Variants in C10orf90 observed in about 807,000 individuals in gnomAD.
The protein encoded by C10orf90 is (E2-independent) E3 ubiquitin-conjugating enzyme FATS.
C10orf90 carries 56 observed loss-of-function variants against 62.5 expected under a neutral mutation model. The ratio of observed to expected loss-of-function variants is 0.90; its 90% CI spans 0.72 to 1.12. The LOEUF is 1.12. Among genes scored for constraint, C10orf90 ranks in the 50% most tolerant of loss-of-function variants. The pLI, the probability that C10orf90 is intolerant of heterozygous loss-of-function variation, is 0.00. For missense variants in C10orf90, 970 were observed against 880.4 expected (o/e 1.10, Z -1.29); for synonymous variants, 386 against 340.4 (o/e 1.13, Z -1.47).
Position 126,545,762 on chromosome 10 carries a change from C to T in C10orf90, c.314-31823G>A, listed in dbSNP as rs563401807. 3.9e-5 allele frequency among the ~76,000 whole-genome samples: 6 copies of T among 152,146 alleles called. No individual in the cohort carries two copies. The South Asian group carries it at 6.3e-4, about 16-fold the overall frequency. On this transcript the variant is annotated intron_variant, in intron 2 of 9. Coordinates refer to ENST00000488181, the MANE Select transcript of C10orf90 (RefSeq NM_001350921.2). ...CTCCCCCTCTTCTCTCTCAGTTAAT[C>T]GGTTCTTAACTTTTAATAACCCAGT...
rs996495924 is a variant in C10orf90 at position 126,670,550 on chromosome 10, T to C, written c.-70A>G. 1 of 438,032 alleles carries C rather than the reference T, an allele frequency of 2.3e-6. No homozygotes were observed. Among genetic ancestry groups the C allele is most frequent in the Middle Eastern group, 3.4e-4 (1 of 2,982 alleles). 27.1% of individuals were successfully genotyped at this position (438,032 alleles called of 1,614,324 possible). A position where few individuals can be genotyped will look rare whatever the true frequency, so the allele number is the denominator to read the frequency against. ...CAATTTTCTTTGTTTAACCCAGGTATTGAGTGCAACAGGAGGGACTTGGGC... is the reference window on the plus strand; with the variant it reads ...CAATTTTCTTTGTTTAACCCAGGTACTGAGTGCAACAGGAGGGACTTGGGC... On this transcript the variant is annotated 5_prime_UTR_variant, in exon 1 of 10. Coordinates refer to ENST00000488181, the MANE Select transcript of C10orf90 (RefSeq NM_001350921.2).
At chr10:126,470,835 A>G (rs1360456261) in intron 4 of C10orf90, among the ~76,000 whole-genome samples, 3 of 152,026 alleles carry the variant, frequency 2.0e-5, no homozygotes, top group African/African-American at 7.2e-5. Context: ...GAACAAGCCT[A>G]TTAGATGGAC....
intron 2 of C10orf90, among the ~76,000 whole-genome samples, chr10:126,605,832 C>A (rs1409825149): frequency 6.6e-6 from 1 of 151,966 alleles, no homozygotes; most frequent in South Asian, 2.1e-4. Flanking sequence ...CATGTCATGA[C>A]ATGGAACTGC....
At chr10:126,571,978 G>A (rs557935735) in intron 2 of C10orf90, among the ~76,000 whole-genome samples, 9 of 152,260 alleles carry the variant, frequency 5.9e-5, no homozygotes, top group African/African-American at 1.9e-4. Context: ...AACCTCAAAA[G>A]GCCTTCTGAT....
chr10:126,555,088 A>G (rs1864730201), intron 2 of C10orf90, among the ~76,000 whole-genome samples: 1 of 152,178 alleles, frequency 6.6e-6, no homozygotes, highest in Non-Finnish European at 1.5e-5. Context: ...TGGCGTCTGC[A>G]CATTATCAGT....
intron 3 of C10orf90, among the ~76,000 whole-genome samples, chr10:126,506,919 AGTGTGTGTGT>A (rs61651582): frequency 4.0e-5 from 6 of 149,336 alleles, no homozygotes; most frequent in Non-Finnish European, 1.5e-5. Flanking sequence ...CAGGAGGGCC[AGTGTGTGTGT>A]GTGTGTGTGT....
chr10:126,564,296 C>G (rs983203535), intron 2 of C10orf90, among the ~76,000 whole-genome samples: 1 of 152,040 alleles, frequency 6.6e-6, no homozygotes, highest in Non-Finnish European at 1.5e-5. Flanking sequence ...ACCCAGCCCA[C>G]CAGGTTGTGG....
At chr10:126,481,479 C>T (rs553204440) in intron 4 of C10orf90, among the ~76,000 whole-genome samples, 6 of 152,340 alleles carry the variant, frequency 3.9e-5, no homozygotes, top group African/African-American at 1.4e-4. Context: ...GATGACTCCT[C>T]ACGGATTTCA....
chr10:126,494,798 G>A (rs1176266723), intron 4 of C10orf90, among the ~76,000 whole-genome samples: 1 of 152,326 alleles, frequency 6.6e-6, no homozygotes, highest in Admixed American at 6.5e-5. Context: ...TTTATTTCAA[G>A]AACTGGATTA....
chr10:126,598,520 G>T (rs1845130993), intron 2 of C10orf90, among the ~76,000 whole-genome samples: 1 of 152,086 alleles, frequency 6.6e-6, no homozygotes, highest in Admixed American at 6.5e-5. Flanking sequence ...CACCCCACAG[G>T]TTATGATTTA....
Position 126,663,722 on chromosome 10 carries a change from G to A in C10orf90, c.240+6519C>T, listed in dbSNP as rs560629467. On this transcript the variant is annotated intron_variant, in intron 1 of 9. Transcript: ENST00000488181. Reference sequence around the variant, plus strand: ...TTGTGACTTCCTTTGGGGTTCATGCGGTTGGAAAATATTGGTCTAGAACTT... The same window carrying A: ...TTGTGACTTCCTTTGGGGTTCATGCAGTTGGAAAATATTGGTCTAGAACTT... Among the ~76,000 whole-genome samples the A allele has an allele frequency of 5.9e-5, 9 of 152,116 alleles. No homozygotes were observed. In the East Asian group the frequency reaches 7.7e-4, roughly 13 times the overall value.
chr10:126,565,444 AC>A (rs1844362832), intron 2 of C10orf90, among the ~76,000 whole-genome samples: 1 of 109,144 alleles, frequency 9.2e-6, no homozygotes, highest in Non-Finnish European at 1.7e-5. Context: ...TTATACACAC[AC>A]ACACACACAC....
At chr10:126,625,287 C>T (rs1205399889) in intron 2 of C10orf90, among the ~76,000 whole-genome samples, 4 of 152,188 alleles carry the variant, frequency 2.6e-5, no homozygotes, top group Admixed American at 2.6e-4. Flanking sequence ...GCAAGACACT[C>T]ATCACACAGA....
intron 7 of C10orf90, among the ~76,000 whole-genome samples, chr10:126,442,736 C>T (rs1858480421): frequency 7.0e-6 from 1 of 143,212 alleles, no homozygotes; most frequent in African/African-American, 2.6e-5. Context: ...ATGGAACTTT[C>T]TCCATGATAG....
At chr10:126,473,631 G>A (rs1316375779) in intron 4 of C10orf90, among the ~76,000 whole-genome samples, 1 of 150,280 alleles carries the variant, frequency 6.7e-6, no homozygotes, top group African/African-American at 2.5e-5. Context: ...CCCCCAGGCT[G>A]CCCACCTCTG....
chr10:126,442,348 TAGGA>T lies in C10orf90; in HGVS notation c.2189-12502_2189-12499del, dbSNP rs879261691. Among the ~76,000 whole-genome samples, 710 of 150,524 alleles carry T rather than the reference TAGGA, an allele frequency of 4.7e-3. 6 individuals carry two copies. Among genetic ancestry groups the T allele is most frequent in the African/African-American group, 0.016 (672 of 41,012 alleles). ...GATGATAAAAGGCCTTATCCAATTT[TAGGA>T]AAATATCACAATCCTATACATATAT... On this transcript the variant is annotated intron_variant, in intron 7 of 9. Coordinates refer to ENST00000488181, the MANE Select transcript of C10orf90 (RefSeq NM_001350921.2).
At chr10:126,577,729 T>C (rs1450242202) in intron 2 of C10orf90, among the ~76,000 whole-genome samples, 1 of 152,114 alleles carries the variant, frequency 6.6e-6, no homozygotes, top group Non-Finnish European at 1.5e-5. Context: ...GGAGGACTTA[T>C]GTTACCAGAT....
intron 2 of C10orf90, among the ~76,000 whole-genome samples, chr10:126,549,411 A>C (rs1371738537): frequency 2.0e-5 from 3 of 152,246 alleles, no homozygotes; most frequent in Admixed American, 6.5e-5. Flanking sequence ...ATATGAAAAG[A>C]TGTCCAGCCT....
intron 4 of C10orf90, chr10:126,496,837 G>A (rs780818000): frequency 1.0e-5 from 4 of 399,298 alleles, no homozygotes; most frequent in African/African-American, 6.5e-5. Context: ...CCCACAGGTC[G>A]AGGGCACCCA....
Sources: gnomAD v4.1 joint callset for allele counts (sites outside exome capture counted in the v4.1 genomes callset) on GRCh38, gnomAD v4.1.1 for gene constraint, MANE v1.5 for transcripts, NCBI Gene and HGNC (gene_info 2026-07-23, HGNC 2026-07-21) for gene names.